GRID2IP: variants seen among roughly 807,000 people sequenced by gnomAD.
GRID2IP encodes the protein delphilin.
Under a neutral mutation model 114.3 loss-of-function variants are expected in GRID2IP, and 78 were observed. The observed-to-expected ratio is 0.68, with a 90% CI of 0.57 to 0.82. GRID2IP has a LOEUF of 0.82. Among genes scored for constraint, GRID2IP ranks in the 40% least tolerant of loss-of-function variants. GRID2IP has a pLI of 0.00. For synonymous variants in GRID2IP, 809 were observed against 724.0 expected, an observed-to-expected ratio of 1.12 and a Z score of -1.89; for missense variants, 1,727 against 1,678.5, an observed-to-expected ratio of 1.03 and a Z score of -0.51.
At chr7:6,503,995 G>A (rs2115354984) in intron 15 of GRID2IP, among the ~76,000 whole-genome samples, 2 of 151,460 alleles carry the variant, frequency 1.3e-5, no homozygotes, top group Admixed American at 1.3e-4. Context: ...GCAGGAAGGG[G>A]GCGGGGCTTC....
At position 6,509,655 on chromosome 7, in the gene GRID2IP, C is replaced by T. The variant is rs1033417089; in HGVS notation, c.1772-342G>A. 5.3e-5 allele frequency among the ~76,000 whole-genome samples: 8 copies of T among 152,154 alleles called. No homozygotes were observed. Among genetic ancestry groups the T allele is most frequent in the Non-Finnish European group, 7.4e-5 (5 of 68,014 alleles). ...AGAGCCACAGTCATGGAGCGTCTCG[C>T]GCACCCAGCAAGCCCTGAGATCACA... On this transcript the variant is annotated intron_variant, in intron 11 of 21. Transcript: ENST00000457091. The surrounding 1 kb of genome is among the most constrained non-coding windows in gnomAD (Gnocchi z 4.9).
At chr7:6,510,779 G>T (rs910934996) in intron 9 of GRID2IP, 73 bp from the exon 10 acceptor site, 2 of 1,475,122 alleles carry the variant, frequency 1.4e-6, no homozygotes, top group Non-Finnish European at 1.8e-6. Flanking sequence ...AACATGCCCC[G>T]CAGACCCAGG....
rs367997680 is a variant in GRID2IP, at chr7:6,502,770, C to T, written c.3150+16G>A. 17 of 1,542,060 alleles carry T rather than the reference C, an allele frequency of 1.1e-5. No homozygotes were observed. Among genetic ancestry groups the T allele is most frequent in the African/African-American group, 8.2e-5 (6 of 72,860 alleles). On this transcript the variant is annotated intron_variant, in intron 18 of 21. Coordinates refer to ENST00000457091, the MANE Select transcript of GRID2IP (RefSeq NM_001145118.2). Reference sequence around the variant, plus strand: ...GTAGAGCAAACCAGTCGATTGCTGCCGGCAGGTCCCCTCACCTCTGTCAGA... The same window carrying T: ...GTAGAGCAAACCAGTCGATTGCTGCTGGCAGGTCCCCTCACCTCTGTCAGA...
At chr7:6,550,934 G>A in intron 1 of GRID2IP, 74 bp downstream of exon 1, 2 of 1,192,128 alleles carry the variant, frequency 1.7e-6, no homozygotes, top group Non-Finnish European at 2.1e-6. Flanking sequence ...CTGGGAGAGC[G>A]GCGCCCGGCC....
At position 6,514,784 on chromosome 7, in the gene GRID2IP, T is replaced by C. The variant is rs553019075; in HGVS notation, c.1269-255A>G. Among the ~76,000 whole-genome samples, 54 of 151,828 alleles carry C rather than the reference T, an allele frequency of 3.6e-4. 1 individual carries two copies. Among genetic ancestry groups the C allele is most frequent in the Non-Finnish European group, 6.0e-4 (41 of 67,938 alleles). On this transcript the variant is annotated intron_variant, in intron 7 of 21. Transcript: ENST00000457091. Reference sequence around the variant, plus strand: ...CCAGCCAACATGGTGAAAGGCCGTCTCTACTGAAAGTATAAAAATTAGTCA... The same window carrying C: ...CCAGCCAACATGGTGAAAGGCCGTCCCTACTGAAAGTATAAAAATTAGTCA...
intron 2 of GRID2IP, chr7:6,530,998 A>G: frequency 1.6e-6 from 1 of 627,378 alleles, no homozygotes; most frequent in African/African-American, 1.9e-5. Context: ...CTTTCAGACC[A>G]GCCCGAGGCG....
In GRID2IP at chr7:6,521,664, G is replaced by C; in HGVS notation, c.990-141C>G. The C allele has an allele frequency of 1.4e-6, 1 of 703,740 alleles. No individual in the cohort carries two copies. Among genetic ancestry groups the C allele is most frequent in the South Asian group, 1.9e-5 (1 of 52,750 alleles). 43.6% of individuals were successfully genotyped at this position (703,740 alleles called of 1,614,324 possible). Reference sequence around the variant, plus strand: ...ACTCTGTGTCCCCAGCATGGAGCTGGAGTATTTTCTGGTTGGAAGGATGAA... The same window carrying C: ...ACTCTGTGTCCCCAGCATGGAGCTGCAGTATTTTCTGGTTGGAAGGATGAA... On this transcript the variant is annotated intron_variant, in intron 5 of 21. Transcript: ENST00000457091. The surrounding 1 kb of genome is among the most constrained non-coding windows in gnomAD (Gnocchi z 4.1).
chr7:6,497,332 T>G lies in GRID2IP; in HGVS notation c.*442A>C, dbSNP rs1786280231. 1 of 155,244 alleles carries G rather than the reference T, an allele frequency of 6.4e-6. No individual in the cohort carries two copies. Among genetic ancestry groups the G allele is most frequent in the South Asian group, 2.0e-4 (1 of 4,990 alleles). 9.6% of individuals were successfully genotyped at this position (155,244 alleles called of 1,614,324 possible). ...CCCAGGGCCCCTCTACATCCGGCTTTCTGCCCTCTCGCGTCTCGCGCCTGC... is the reference window on the plus strand; with the variant it reads ...CCCAGGGCCCCTCTACATCCGGCTTGCTGCCCTCTCGCGTCTCGCGCCTGC... On this transcript the variant is annotated 3_prime_UTR_variant, in exon 22 of 22. Transcript: ENST00000457091.
At chr7:6,527,834 T>C (rs561635954) in intron 2 of GRID2IP, among the ~76,000 whole-genome samples, 135 of 151,336 alleles carry the variant, frequency 8.9e-4, no homozygotes, top group Non-Finnish European at 1.3e-3. Context: ...TCTCAGCTCA[T>C]TGGAACCTCC....
chr7:6,514,619 C>A (rs570315181), intron 7 of GRID2IP, 90 bp from the exon 8 acceptor site: 1 of 1,219,788 alleles, frequency 8.2e-7, no homozygotes, highest in Non-Finnish European at 1.1e-6. Context: ...ACTTCCAAGC[C>A]ACAGCGTCTG....
At chr7:6,546,440 A>C (rs1779889319) in intron 1 of GRID2IP, among the ~76,000 whole-genome samples, 1 of 151,586 alleles carries the variant, frequency 6.6e-6, no homozygotes, top group African/African-American at 2.4e-5. Context: ...GTGGTGGTAC[A>C]TGCCTGTAAT....
intron 1 of GRID2IP, among the ~76,000 whole-genome samples, chr7:6,550,174 G>A (rs1048635995): frequency 4.0e-5 from 6 of 150,504 alleles, no homozygotes; most frequent in Non-Finnish European, 5.9e-5. Context: ...GATTTTTTTT[G>A]TAGAGATGGT....
intron 21 of GRID2IP, 80 bp downstream of exon 21, chr7:6,497,984 G>A: frequency 6.9e-7 from 1 of 1,446,864 alleles, no homozygotes; most frequent in Non-Finnish European, 9.3e-7. Context: ...TCCCAGCCCT[G>A]GCTTCATGGA....
At chr7:6,540,339 C>T (rs1041434777) in intron 1 of GRID2IP, among the ~76,000 whole-genome samples, 4 of 151,780 alleles carry the variant, frequency 2.6e-5, no homozygotes, top group African/African-American at 7.3e-5. Context: ...TTTGAACTCC[C>T]AACCTCAGGT....
In GRID2IP at chr7:6,519,596, A is replaced by G. The variant is rs1779374900; in HGVS notation, c.1268+982T>C. On this transcript the variant is annotated intron_variant, in intron 7 of 21. Coordinates refer to ENST00000457091, the MANE Select transcript of GRID2IP (RefSeq NM_001145118.2). This position sits in a 1 kb window ranked among gnomAD's most constrained non-coding sequence, Gnocchi z 4.1. ...AACATGGAGAAACCCTATCTCTACT[A>G]AAAGTACAAAATTAGCCAGGCGTGG... is the stretch of plus-strand genomic sequence containing the variant. Among the ~76,000 whole-genome samples, 1 of 152,010 alleles carries G rather than the reference A, an allele frequency of 6.6e-6. No homozygotes were observed. The highest frequency in any genetic ancestry group is 1.5e-5 in the Non-Finnish European group (1 of 68,008).
In GRID2IP at chr7:6,503,134, G is replaced by A. The variant is rs771429890; in HGVS notation, c.2937C>T (p.Arg979=). Residue 979 remains arginine, a synonymous_variant, in exon 17 of 22, where the codon CGC becomes CGT. Transcript: ENST00000457091. ...TGGCCTGGAAGTGGAGGCTGCGCAG[G>A]CGTGTCTTGTATTCGGGAACTGACA... ...QMLSVPEYKT[R]LRSLHFQATL... is the part of the protein sequence containing the mutation. 2 of 1,545,300 alleles carry A rather than the reference G, an allele frequency of 1.3e-6. No individual in the cohort carries two copies. The highest frequency in any genetic ancestry group is 2.4e-5 in the East Asian group (1 of 40,832).
intron 2 of GRID2IP, among the ~76,000 whole-genome samples, chr7:6,535,269 A>T (rs1014555339): frequency 3.3e-5 from 5 of 152,182 alleles, no homozygotes; most frequent in Non-Finnish European, 5.9e-5. Flanking sequence ...ACCTCAGGTG[A>T]TCCACCCGCC....
chr7:6,543,591 T>G (rs1779844627), intron 1 of GRID2IP, among the ~76,000 whole-genome samples: 1 of 151,984 alleles, frequency 6.6e-6, no homozygotes, highest in Admixed American at 6.6e-5. Context: ...ACCCTATTTA[T>G]GCCTCCACTT....
At chr7:6,540,769 G>A (rs1562525083) in intron 1 of GRID2IP, among the ~76,000 whole-genome samples, 1 of 149,320 alleles carries the variant, frequency 6.7e-6, no homozygotes, top group African/African-American at 2.5e-5. Flanking sequence ...GGCCTCAGGT[G>A]ACCCACCCAC....
Sources: gnomAD v4.1 joint callset for allele counts (sites outside exome capture counted in the v4.1 genomes callset) on GRCh38, gnomAD v4.1.1 for gene constraint, Gnocchi (gnomAD v3.1) non-coding constraint, MANE v1.5 for transcripts, NCBI Gene and HGNC (gene_info 2026-07-23, HGNC 2026-07-21) for gene names.